SLC4A5: variants seen among roughly 807,000 people sequenced by gnomAD.
The protein encoded by SLC4A5 is solute carrier family 4 member 5, also known as electrogenic sodium bicarbonate cotransporter 4.
A neutral mutation model predicts 120.4 loss-of-function variants in SLC4A5; 96 were observed. The observed-to-expected ratio is 0.80, with a 90% CI of 0.68 to 0.94. SLC4A5 has a LOEUF of 0.94. Ranked by LOEUF, SLC4A5 falls within the 40% of genes least tolerant of loss-of-function variation. The pLI, the probability that SLC4A5 is intolerant of heterozygous loss-of-function variation, is 0.00. For missense variants in SLC4A5, 1,259 were observed against 1,459.5 expected (o/e 0.86, Z 2.24); for synonymous variants, 550 against 571.1 (o/e 0.96, Z 0.53).
At chr2:74,265,516 G>T (rs1006706) in intron 8 of SLC4A5, among the ~76,000 whole-genome samples, 15,805 of 152,232 alleles carry the variant, frequency 0.1, 889 homozygotes, top group East Asian at 0.21. Context: ...GGGAGTGATG[G>T]AAATGTTCTA....
chr2:74,262,282 G>A (rs768481596), intron 10 of SLC4A5, 50 bp from the exon 11 acceptor site: 3 of 1,532,406 alleles, frequency 2.0e-6, no homozygotes, highest in Admixed American at 3.4e-5. Context: ...TGCTGGTGTA[G>A]CGAAGCCTCT....
intron 20 of SLC4A5, among the ~76,000 whole-genome samples, chr2:74,240,614 T>C (rs1268739353): frequency 1.3e-5 from 2 of 151,644 alleles, no homozygotes; most frequent in African/African-American, 4.8e-5. Context: ...ACAAAAAACT[T>C]AAAAATTAGC....
intron 8 of SLC4A5, among the ~76,000 whole-genome samples, chr2:74,274,554 G>A (rs1318155338): frequency 6.6e-6 from 1 of 152,208 alleles, no homozygotes; most frequent in Non-Finnish European, 1.5e-5. Context: ...CACATATGGA[G>A]AAGTTCAGAA....
intron 15 of SLC4A5, among the ~76,000 whole-genome samples, chr2:74,252,597 A>G (rs1468694683): frequency 1.3e-5 from 2 of 152,214 alleles, no homozygotes; most frequent in African/African-American, 4.8e-5. Context: ...TATTTTAAAC[A>G]TTATTTTGAG....
At chr2:74,293,395 G>T (rs1672234021) in intron 7 of SLC4A5, among the ~76,000 whole-genome samples, 1 of 152,162 alleles carries the variant, frequency 6.6e-6, no homozygotes. Flanking sequence ...AGCTGTATTT[G>T]TGTGACATGT....
intron 5 of SLC4A5, among the ~76,000 whole-genome samples, chr2:74,315,605 T>A (rs1672943574): frequency 1.3e-5 from 2 of 150,248 alleles, no homozygotes; most frequent in African/African-American, 4.9e-5. Flanking sequence ...ATTATGCTTA[T>A]ATAATAATAT....
At chr2:74,325,830 A>C (rs1057182879) in intron 5 of SLC4A5, among the ~76,000 whole-genome samples, 1 of 138,012 alleles carries the variant, frequency 7.2e-6, no homozygotes, top group South Asian at 2.7e-4. Flanking sequence ...CTCAAACCTA[A>C]GGAAAGAAGG....
At chr2:74,273,920 T>C (rs1226843182) in intron 8 of SLC4A5, among the ~76,000 whole-genome samples, 1 of 152,196 alleles carries the variant, frequency 6.6e-6, no homozygotes, top group African/African-American at 2.4e-5. Context: ...TCCCAGCACT[T>C]TGGGAGGCCA....
intron 7 of SLC4A5, among the ~76,000 whole-genome samples, chr2:74,293,958 G>A (rs967588339): frequency 2.0e-5 from 3 of 152,104 alleles, no homozygotes; most frequent in East Asian, 1.9e-4. Flanking sequence ...GTAAAAGAGC[G>A]GGGAGTAAAA....
At position 74,279,238 on chromosome 2, in the gene SLC4A5, TTTTTAC is replaced by T. The variant is rs1258474679; in HGVS notation, c.401+6529_401+6534del. On this transcript the variant is annotated intron_variant, in intron 8 of 30. Coordinates refer to ENST00000394019, the Ensembl canonical transcript of SLC4A5. ...GGAAGAACTGTCAGGTGAACCCAGCTTTTTACTTTTAACTCTTCTCAACTTACTGCC... is the reference window on the plus strand; with the variant it reads ...GGAAGAACTGTCAGGTGAACCCAGCTTTTTAACTCTTCTCAACTTACTGCC... Among the ~76,000 whole-genome samples, 3 of 152,210 alleles carry T rather than the reference TTTTTAC, an allele frequency of 2.0e-5. No homozygotes were observed. In the East Asian group the frequency reaches 5.8e-4, roughly 29 times the overall value.
At chr2:74,297,640 T>A (rs1487378489) in intron 7 of SLC4A5, among the ~76,000 whole-genome samples, 1 of 152,200 alleles carries the variant, frequency 6.6e-6, no homozygotes, top group Non-Finnish European at 1.5e-5. Flanking sequence ...CAAGAGGTTT[T>A]CACAGCCAGA....
At chr2:74,302,024 T>C (rs933538187) in intron 7 of SLC4A5, among the ~76,000 whole-genome samples, 2 of 152,228 alleles carry the variant, frequency 1.3e-5, no homozygotes, top group African/African-American at 4.8e-5. Context: ...TTGGAAGATA[T>C]TTTTATGGAA....
chr2:74,236,212 T>C (rs1670264649), intron 21 of SLC4A5, among the ~76,000 whole-genome samples: 1 of 152,208 alleles, frequency 6.6e-6, no homozygotes, highest in Non-Finnish European at 1.5e-5. Context: ...AATATGCATA[T>C]ACTTTAATAT....
At chr2:74,316,286 A>AT (rs1672961555) in intron 5 of SLC4A5, among the ~76,000 whole-genome samples, 1 of 148,720 alleles carries the variant, frequency 6.7e-6, no homozygotes, top group African/African-American at 2.5e-5. Context: ...ATGTATTGAT[A>AT]ATTATTGAAG....
At chr2:74,333,374 G>A (rs1286802434) in intron 4 of SLC4A5, among the ~76,000 whole-genome samples, 1 of 152,164 alleles carries the variant, frequency 6.6e-6, no homozygotes, top group African/African-American at 2.4e-5. Flanking sequence ...GGATCTGCCA[G>A]GAGAGGGAGC....
intron 14 of SLC4A5, among the ~76,000 whole-genome samples, chr2:74,253,832 G>A (rs1264323997): frequency 1.3e-5 from 2 of 151,864 alleles, no homozygotes; most frequent in East Asian, 1.9e-4. Context: ...AAAACTGTTC[G>A]AGAATGATGT....
At chr2:74,271,735 G>A (rs1031366084) in intron 8 of SLC4A5, among the ~76,000 whole-genome samples, 2 of 151,320 alleles carry the variant, frequency 1.3e-5, no homozygotes, top group African/African-American at 4.9e-5. Flanking sequence ...ATCACTTTGG[G>A]TGAGATCTCG....
chr2:74,315,935 AACTT>A (rs1159969933), intron 5 of SLC4A5, among the ~76,000 whole-genome samples: 2 of 152,230 alleles, frequency 1.3e-5, no homozygotes, highest in Non-Finnish European at 2.9e-5. Context: ...TTAATTTTAA[AACTT>A]AAATAATAAG....
At chr2:74,222,349 G>A (rs1348865093) in intron 29 of SLC4A5, among the ~76,000 whole-genome samples, 1 of 152,178 alleles carries the variant, frequency 6.6e-6, no homozygotes, top group Non-Finnish European at 1.5e-5. Flanking sequence ...AGAATTAGTC[G>A]AGTCTGCAGG....
Sources: allele counts gnomAD v4.1 joint callset (sites outside exome capture counted in the v4.1 genomes callset), GRCh38; gene constraint gnomAD v4.1.1; transcripts MANE v1.5; gene names NCBI Gene and HGNC (gene_info 2026-07-23, HGNC 2026-07-21).